Variants in SRSF3 observed in about 807,000 individuals in gnomAD.
SRSF3 encodes serine/arginine-rich splicing factor 3.
For missense variants in SRSF3, 58 were observed against 217.1 expected, an observed-to-expected ratio of 0.27 and a Z score of 4.61; for synonymous variants, 87 against 73.6, an observed-to-expected ratio of 1.18 and a Z score of -0.93.
rs1778769733 is a variant in SRSF3, at chr6:36,603,988, TA to T, written c.*2000del. 1.3e-5 allele frequency: 3 copies of T among 230,542 alleles called. No homozygotes were observed. The highest frequency in any genetic ancestry group is 6.6e-5 in the African/African-American group (3 of 45,194). The allele number at this position is 230,542 out of a possible 1,614,324, so 14.3% of individuals were successfully genotyped here. A position where few individuals can be genotyped will look rare whatever the true frequency, so the allele number is the denominator to read the frequency against. On this transcript the variant is annotated 3_prime_UTR_variant, in exon 6 of 6. Transcript: ENST00000373715. ...GGGAGTTATCCTGACTTAGGTGACA[TA>T]CAGTCCCAGTTGGCAGTTACTTTAA... is the stretch of plus-strand genomic sequence containing the variant.
In SRSF3 at chr6:36,605,319, G is replaced by A. The variant is rs947434174; in HGVS notation, c.*3330G>A. 5.3e-5 allele frequency: 8 copies of A among 151,962 alleles called. No homozygotes were observed. Among genetic ancestry groups the A allele is most frequent in the African/African-American group, 1.5e-4 (6 of 41,350 alleles). 9.4% of individuals were successfully genotyped at this position (151,962 alleles called of 1,614,324 possible). On this transcript the variant is annotated 3_prime_UTR_variant, in exon 6 of 6. Coordinates refer to ENST00000373715, the MANE Select transcript of SRSF3 (RefSeq NM_003017.5). ...AGCTTGGTCAACATGGTGAAACCCC[G>A]TCTCTACTAACAGTACAAAAATTAG... is the stretch of plus-strand genomic sequence containing the variant.
chr6:36,602,983 G>A lies in SRSF3; in HGVS notation c.*994G>A, dbSNP rs1033467840. ...TCCCATGGGAAGCAGTTGGTTACAC[G>A]ATTCTTATTTTATAAGAAACAGCTG... On this transcript the variant is annotated 3_prime_UTR_variant, in exon 6 of 6. Transcript: ENST00000373715. 2 of 217,650 alleles carry A rather than the reference G, an allele frequency of 9.2e-6. No homozygotes were observed. Among genetic ancestry groups the A allele is most frequent in the Non-Finnish European group, 1.8e-5 (2 of 108,234 alleles). The allele number at this position is 217,650 out of a possible 1,614,324, so 13.5% of individuals were successfully genotyped here.
chr6:36,601,650 ATATT>A, intron 4 of SRSF3, 54 bp from the exon 5 acceptor site: 2 of 1,463,362 alleles, frequency 1.4e-6, no homozygotes, highest in Non-Finnish European at 1.9e-6. Flanking sequence ...GATCAAGAAA[ATATT>A]TATGTATAAT....
At chr6:36,596,290 A>G (rs1778625830) in intron 1 of SRSF3, among the ~76,000 whole-genome samples, 1 of 152,104 alleles carries the variant, frequency 6.6e-6, no homozygotes, top group Non-Finnish European at 1.5e-5. Context: ...GTTTTGGCTT[A>G]TGTAGGTACT....
intron 3 of SRSF3, 157 bp from the exon 4 acceptor site, chr6:36,600,987 CTTTTCTTT>C (rs1562013400): frequency 5.1e-6 from 2 of 389,496 alleles, no homozygotes; most frequent in African/African-American, 7.7e-5. Flanking sequence ...CCTTTTTTTT[CTTTTCTTT>C]TTTTTCTTTT....
At position 36,603,550 on chromosome 6, in the gene SRSF3, A is replaced by G. The variant is rs1030210119; in HGVS notation, c.*1561A>G. 4.4e-6 allele frequency: 1 copy of G among 227,518 alleles called. No homozygotes were observed. The highest frequency in any genetic ancestry group is 2.2e-5 in the African/African-American group (1 of 45,070). 14.1% of individuals were successfully genotyped at this position (227,518 alleles called of 1,614,324 possible). Reference sequence around the variant, plus strand: ...AGAGTTCAAGCTAAATGGATACATTAAGATACAGTTCCTAAACAAATTATT... The same window carrying G: ...AGAGTTCAAGCTAAATGGATACATTGAGATACAGTTCCTAAACAAATTATT... On this transcript the variant is annotated 3_prime_UTR_variant, in exon 6 of 6. Transcript: ENST00000373715.
intron 2 of SRSF3, 106 bp downstream of exon 2, chr6:36,597,074 G>A: frequency 1.7e-6 from 1 of 601,002 alleles, no homozygotes; most frequent in East Asian, 3.6e-5. Context: ...CTGGCCAATT[G>A]TATCTTTAGA....
rs151203651 is a variant in SRSF3 at position 36,597,569 on chromosome 6, T to C, written c.206+601T>C. On this transcript the variant is annotated intron_variant, in intron 2 of 5. Coordinates refer to ENST00000373715, the MANE Select transcript of SRSF3 (RefSeq NM_003017.5). ...TTTGTGTTAATAGTGTCCTGTTAGC[T>C]GGCTGAGTAAGGCCTGAGTATTGAC... is the stretch of plus-strand genomic sequence containing the variant. Among the ~76,000 whole-genome samples, 4 of 152,294 alleles carry C rather than the reference T, an allele frequency of 2.6e-5. No homozygotes were observed. The East Asian group carries it at 7.7e-4, about 29-fold the overall frequency.
chr6:36,600,091 A>C, intron 3 of SRSF3: 1 of 1,166,756 alleles, frequency 8.6e-7, no homozygotes. Context: ...TATTTACCAA[A>C]TGTCTTCACA....
intron 1 of SRSF3, among the ~76,000 whole-genome samples, chr6:36,595,223 T>G (rs1400756889): frequency 6.6e-6 from 1 of 152,194 alleles, no homozygotes. Context: ...TTGAAACTGG[T>G]CTACAAGTTT....
Position 36,603,645 on chromosome 6 carries a change from T to C in SRSF3, c.*1656T>C, listed in dbSNP as rs1341980953. 1 of 229,956 alleles carries C rather than the reference T, an allele frequency of 4.3e-6. No homozygotes were observed. The highest frequency in any genetic ancestry group is 6.2e-5 in the East Asian group (1 of 16,094). 14.2% of individuals were successfully genotyped at this position (229,956 alleles called of 1,614,324 possible). A position where few individuals can be genotyped will look rare whatever the true frequency, so the allele number is the denominator to read the frequency against. ...AGGTTCAGCCTTAAAGTTAAGCATG[T>C]TCAAGAAAGACACTTTTCAGACAGC... On this transcript the variant is annotated 3_prime_UTR_variant, in exon 6 of 6. Coordinates refer to ENST00000373715, the MANE Select transcript of SRSF3 (RefSeq NM_003017.5).
At chr6:36,595,076 C>T (rs974374479) in intron 1 of SRSF3, among the ~76,000 whole-genome samples, 1 of 152,192 alleles carries the variant, frequency 6.6e-6, no homozygotes, top group African/African-American at 2.4e-5. Context: ...GAACTTACTC[C>T]TGGGCACAGG....
intron 1 of SRSF3, among the ~76,000 whole-genome samples, chr6:36,595,872 A>G (rs1778618981): frequency 1.3e-5 from 2 of 152,288 alleles, no homozygotes; most frequent in South Asian, 4.1e-4. Context: ...ATTTGATACT[A>G]GCCTTGTTCC....
chr6:36,600,987 C>CTTTTCTTTT lies in SRSF3; in HGVS notation c.342-151_342-143dup, dbSNP rs1360876802. Reference sequence around the variant, plus strand: ...CTTAATCCTTCTGTGCCTTTTTTTTCTTTTCTTTTTTTTCTTTTTTTTTTT... The same window carrying CTTTTCTTTT: ...CTTAATCCTTCTGTGCCTTTTTTTTCTTTTCTTTTTTTTCTTTTTTTTCTTTTTTTTTTT... On this transcript the variant is annotated intron_variant, in intron 3 of 5. Transcript: ENST00000373715. The CTTTTCTTTT allele has an allele frequency of 2.1e-4, 80 of 389,512 alleles. 1 individual carries two copies. The highest frequency in any genetic ancestry group is 6.6e-4 in the South Asian group (13 of 19,564). 24.1% of individuals were successfully genotyped at this position (389,512 alleles called of 1,614,324 possible). A position where few individuals can be genotyped will look rare whatever the true frequency, so the allele number is the denominator to read the frequency against.
Position 36,598,846 on chromosome 6 carries a change from C to T in SRSF3, c.207-3C>T. The T allele has an allele frequency of 6.2e-7, 1 of 1,612,364 alleles. No individual in the cohort carries two copies. Among genetic ancestry groups the T allele is most frequent in the Non-Finnish European group, 8.5e-7 (1 of 1,179,762 alleles). ...TTTAAGTTTAATATCTTTGCCCCCT[C>T]AGAACACTATGTGGCTGCCGTGTAA... On this transcript the variant is annotated splice_region_variant and splice_polypyrimidine_tract_variant and intron_variant, in intron 2 of 5. Transcript: ENST00000373715.
intron 2 of SRSF3, among the ~76,000 whole-genome samples, chr6:36,597,827 T>G (rs140295416): frequency 0.034 from 5,075 of 149,284 alleles, 120 homozygotes; most frequent in South Asian, 0.12. Flanking sequence ...TTTACTACTG[T>G]GAGCTATAAT....
intron 3 of SRSF3, chr6:36,600,914 A>G: frequency 2.4e-6 from 1 of 422,826 alleles, no homozygotes; most frequent in Non-Finnish European, 4.2e-6. Context: ...TCTTTGTTAA[A>G]GTGAATCCAT....
At chr6:36,594,898 CTTTCATGTAG>C (rs1313564734) in intron 1 of SRSF3, 1 of 152,026 alleles carries the variant, frequency 6.6e-6, no homozygotes, top group Non-Finnish European at 1.5e-5. Flanking sequence ...AGTCACCTTA[CTTTCATGTAG>C]TTTCAGATTT....
At position 36,603,581 on chromosome 6, in the gene SRSF3, C is replaced by A. The variant is rs1778755318; in HGVS notation, c.*1592C>A. 1 of 228,398 alleles carries A rather than the reference C, an allele frequency of 4.4e-6. No individual in the cohort carries two copies. Among genetic ancestry groups the A allele is most frequent in the South Asian group, 1.8e-4 (1 of 5,496 alleles). The allele number at this position is 228,398 out of a possible 1,614,324, so 14.1% of individuals were successfully genotyped here. A position where few individuals can be genotyped will look rare whatever the true frequency, so the allele number is the denominator to read the frequency against. The stretch of plus-strand genomic sequence containing the variant: ...CAGTTCCTAAACAAATTATTTATTT[C>A]CACCTTTTACACAAATCTTGGGAGA... On this transcript the variant is annotated 3_prime_UTR_variant, in exon 6 of 6. Coordinates refer to ENST00000373715, the MANE Select transcript of SRSF3 (RefSeq NM_003017.5).
Sources: gnomAD v4.1 joint callset for allele counts (sites outside exome capture counted in the v4.1 genomes callset) on GRCh38, gnomAD v4.1.1 for gene constraint, MANE v1.5 for transcripts, NCBI Gene and HGNC (gene_info 2026-07-23, HGNC 2026-07-21) for gene names.